DENND4C: variants seen among roughly 807,000 people sequenced by gnomAD.
DENND4C encodes the protein DENN domain-containing protein 4C.
Under a neutral mutation model 203.0 loss-of-function variants are expected in DENND4C, and 108 were observed. The ratio of observed to expected loss-of-function variants is 0.53; its 90% confidence interval spans 0.46 to 0.62. The LOEUF is 0.62. Among genes scored for constraint, DENND4C ranks in the 20% least tolerant of loss-of-function variants. The pLI, the probability that DENND4C is intolerant of heterozygous loss-of-function variation, is 0.00. For missense variants in DENND4C, 2,481 were observed against 2,301.2 expected (o/e 1.08, Z -1.60); for synonymous variants, 871 against 792.4 (o/e 1.10, Z -1.67).
At chr9:19,287,547 A>G (rs970606187) in intron 3 of DENND4C, among the ~76,000 whole-genome samples, 9 of 151,964 alleles carry the variant, frequency 5.9e-5, no homozygotes, top group African/African-American at 2.2e-4. Context: ...GGGTTTCATC[A>G]TGTTGGCCAG....
At chr9:19,357,496 A>G in intron 27 of DENND4C, 1 of 267,744 alleles carries the variant, frequency 3.7e-6, no homozygotes, top group Non-Finnish European at 7.1e-6. Flanking sequence ...TCAAACATTT[A>G]TTGAGACTCT....
At chr9:19,254,867 C>T (rs1017667866) in intron 1 of DENND4C, among the ~76,000 whole-genome samples, 8 of 152,074 alleles carry the variant, frequency 5.3e-5, no homozygotes, top group Admixed American at 2.6e-4. Context: ...TGTGGGGGCT[C>T]GTGCCTGTAA....
intron 1 of DENND4C, among the ~76,000 whole-genome samples, chr9:19,233,597 G>C (rs540193729): frequency 1.5e-4 from 19 of 128,422 alleles, no homozygotes; most frequent in Non-Finnish European, 2.2e-4. Context: ...GTCTCGCTTC[G>C]TCACCCAAGC....
At chr9:19,263,230 T>C (rs1829779379) in intron 1 of DENND4C, among the ~76,000 whole-genome samples, 1 of 152,258 alleles carries the variant, frequency 6.6e-6, no homozygotes, top group East Asian at 1.9e-4. Context: ...TGATAGGCTG[T>C]ATCACATTGA....
intron 1 of DENND4C, among the ~76,000 whole-genome samples, chr9:19,250,597 A>G (rs1246290827): frequency 6.6e-6 from 1 of 152,172 alleles, no homozygotes; most frequent in African/African-American, 2.4e-5. Context: ...AGACAAGGCA[A>G]GTTTCCTCCG....
intron 9 of DENND4C, among the ~76,000 whole-genome samples, chr9:19,303,651 T>C (rs1299769315): frequency 6.6e-6 from 1 of 152,156 alleles, no homozygotes; most frequent in African/African-American, 2.4e-5. Flanking sequence ...ATTAAGTAAA[T>C]AAATGTTTGA....
chr9:19,311,544 T>G (rs577720465), intron 10 of DENND4C, among the ~76,000 whole-genome samples: 1 of 152,330 alleles, frequency 6.6e-6, no homozygotes, highest in African/African-American at 2.4e-5. Flanking sequence ...TTTGTAAATA[T>G]TCTATGTGAA....
intron 1 of DENND4C, among the ~76,000 whole-genome samples, chr9:19,247,652 C>A (rs977970505): frequency 6.6e-6 from 1 of 152,168 alleles, no homozygotes; most frequent in African/African-American, 2.4e-5. Context: ...CCTTGGCCTC[C>A]CAAAGGACTA....
chr9:19,326,087 T>C lies in DENND4C; in HGVS notation c.2013T>C (p.Asp671=), dbSNP rs1054660551. The C allele has an allele frequency of 6.2e-6, 10 of 1,611,954 alleles. No individual in the cohort carries two copies. Among genetic ancestry groups the C allele is most frequent in the Non-Finnish European group, 8.5e-6 (10 of 1,179,410 alleles). The change falls in exon 15 of 33, where the codon GAT becomes GAC. Residue 671 remains aspartate (D), a synonymous_variant. Coordinates refer to ENST00000434457, the MANE Select transcript of DENND4C (RefSeq NM_001330640.2). The stretch of plus-strand genomic sequence containing the variant: ...AGGTTGATTTTGATTCAGCAGAAGA[T>C]ACCAGATTGATAGAACTAGATGATT... The part of the protein sequence containing the change: ...TDKVDFDSAE[D]TRLIELDDSQ...
chr9:19,238,813 C>T (rs1012203942), intron 1 of DENND4C, among the ~76,000 whole-genome samples: 12 of 149,852 alleles, frequency 8.0e-5, no homozygotes, highest in African/African-American at 3.0e-4. Flanking sequence ...GCCACCACGT[C>T]CATCTAATTT....
intron 24 of DENND4C, 26 bp from the exon 25 acceptor site, chr9:19,352,042 TTAAGG>T: frequency 1.2e-5 from 18 of 1,558,650 alleles, no homozygotes; most frequent in Non-Finnish European, 1.6e-5. Context: ...CATTCCTTAC[TTAAGG>T]TATTACGATG....
At chr9:19,240,839 C>T (rs941314165) in intron 1 of DENND4C, among the ~76,000 whole-genome samples, 2 of 151,472 alleles carry the variant, frequency 1.3e-5, no homozygotes, top group Non-Finnish European at 2.9e-5. Flanking sequence ...TGGTGGTGGA[C>T]GCCTGTAATC....
Position 19,360,150 on chromosome 9 carries a change from A to T in DENND4C, c.5161-94A>T, listed in dbSNP as rs1361139849. On this transcript the variant is annotated intron_variant, in intron 28 of 32. Transcript: ENST00000434457. ...GCAATGGTCCTAAAATAACTGATTT[A>T]AAAAGGATAGAGAGGCATTATCTCA... 3.1e-6 allele frequency: 4 copies of T among 1,296,976 alleles called. No homozygotes were observed. In the African/African-American group the frequency reaches 4.5e-5, roughly 15 times the overall value. The allele number at this position is 1,296,976 out of a possible 1,614,324, so 80.3% of individuals were successfully genotyped here.
chr9:19,270,358 C>G (rs549670305), intron 1 of DENND4C, among the ~76,000 whole-genome samples: 2 of 152,232 alleles, frequency 1.3e-5, no homozygotes, highest in Admixed American at 1.3e-4. Flanking sequence ...GGAGGGTTCC[C>G]TTTTGGCCTA....
At chr9:19,234,005 A>G (rs944823176) in intron 1 of DENND4C, among the ~76,000 whole-genome samples, 4 of 152,210 alleles carry the variant, frequency 2.6e-5, no homozygotes, top group Non-Finnish European at 4.4e-5. Context: ...TTATACTTCT[A>G]TAATGTAGTA....
chr9:19,319,585 T>G (rs1375856187), intron 12 of DENND4C, among the ~76,000 whole-genome samples: 1 of 151,266 alleles, frequency 6.6e-6, no homozygotes, highest in East Asian at 1.9e-4. Context: ...AAAATAAGAT[T>G]AGGCTCAGAT....
At chr9:19,298,198 C>T in intron 7 of DENND4C, 76 bp downstream of exon 7, 6 of 1,368,768 alleles carry the variant, frequency 4.4e-6, no homozygotes, top group Admixed American at 3.8e-5. Context: ...ATTCTGTATA[C>T]CTTTGGGTTT....
At chr9:19,310,649 T>A (rs1033114728) in intron 10 of DENND4C, among the ~76,000 whole-genome samples, 6 of 152,370 alleles carry the variant, frequency 3.9e-5, no homozygotes, top group East Asian at 1.9e-4. Flanking sequence ...AAATTTTTTT[T>A]AAATCATAAG....
chr9:19,350,619 A>G, intron 23 of DENND4C, 83 bp from the exon 24 acceptor site: 1 of 1,189,830 alleles, frequency 8.4e-7, no homozygotes, highest in Non-Finnish European at 1.2e-6. Context: ...TATAGAGTTT[A>G]ATTTTGAAAA....
Sources: gnomAD v4.1 joint callset for allele counts (sites outside exome capture counted in the v4.1 genomes callset) on GRCh38, gnomAD v4.1.1 for gene constraint, MANE v1.5 for transcripts, NCBI Gene and HGNC (gene_info 2026-07-23, HGNC 2026-07-21) for gene names.